MAS1: variants seen among roughly 807,000 people sequenced by gnomAD.
MAS1 encodes proto-oncogene Mas.
For synonymous variants in MAS1, 163 were observed against 164.2 expected (o/e 0.99, Z 0.05); for missense variants, 387 against 409.7 (o/e 0.94, Z 0.48).
rs528603241 is a variant in MAS1 at position 159,907,589 on chromosome 6, G to T, written c.634G>T (p.Val212Leu). Reference protein sequence around the residue: ...LMLVSSTILVVKIRKNTWASH... With the variant: ...LMLVSSTILVLKIRKNTWASH... The stretch of plus-strand genomic sequence containing the variant: ...GCTGGTGTCCAGCACCATCTTGGTC[G>T]TGAAGATCCGGAAGAACACGTGGGC... Residue 212 changes from valine to leucine, a missense_variant, in exon 3 of 3, where the codon GTG (valine) becomes TTG (leucine). Val to Leu is a conservative substitution (Grantham distance 32). Transcript: ENST00000674077. The T allele has an allele frequency of 6.2e-7, 1 of 1,613,814 alleles. No individual in the cohort carries two copies. Among genetic ancestry groups the T allele is most frequent in the African/African-American group, 1.3e-5 (1 of 74,842 alleles).
intron 1 of MAS1, among the ~76,000 whole-genome samples, chr6:159,894,418 C>CA (rs5881344): frequency 0.023 from 1,826 of 78,874 alleles, 30 homozygotes; most frequent in Non-Finnish European, 0.034. Context: ...GACCCTGTCT[C>CA]AAAAAAAAAA....
intron 1 of MAS1, among the ~76,000 whole-genome samples, chr6:159,898,603 T>TCCTCCTC (rs1467160877): frequency 1.1e-5 from 1 of 91,230 alleles, no homozygotes; most frequent in Non-Finnish European, 2.2e-5. Context: ...TCCTCCTTCC[T>TCCTCCTC]CTTCCTCCTC....
chr6:159,894,012 G>A (rs1218729622), intron 1 of MAS1, among the ~76,000 whole-genome samples: 2 of 152,184 alleles, frequency 1.3e-5, no homozygotes, highest in African/African-American at 4.8e-5. Context: ...TTGGCCCACT[G>A]AGACTGCTCT....
intron 2 of MAS1, among the ~76,000 whole-genome samples, chr6:159,905,770 G>C (rs987109557): frequency 6.6e-6 from 1 of 152,168 alleles, no homozygotes; most frequent in African/African-American, 2.4e-5. Flanking sequence ...TGGCCGGCAC[G>C]GTGGCTTACA....
rs1254097117 is a variant in MAS1 at position 159,912,559 on chromosome 6, T to G, written c.*4626T>G. On this transcript the variant is annotated 3_prime_UTR_variant, in exon 3 of 3. Transcript: ENST00000674077. ...GATTCCACAAACAAGAAGCTTCTTT[T>G]CTCTTTAACCTAACATTTGACTGTT... 6.6e-6 allele frequency: 1 copy of G among 151,880 alleles called. No individual in the cohort carries two copies. The highest frequency in any genetic ancestry group is 2.4e-5 in the African/African-American group (1 of 41,324). The allele number at this position is 151,880 out of a possible 1,614,324, so 9.4% of individuals were successfully genotyped here. A position where few individuals can be genotyped will look rare whatever the true frequency, so the allele number is the denominator to read the frequency against.
chr6:159,890,865 A>G (rs73586492), upstream of MAS1, among the ~76,000 whole-genome samples: 129 of 152,296 alleles, frequency 8.5e-4, 1 homozygote, highest in African/African-American at 2.9e-3. Context: ...CCCGCTCTGG[A>G]TTGGCGTGAA....
At position 159,891,031 on chromosome 6, in the gene MAS1, T is replaced by C. The variant is rs935583301; in HGVS notation, c.-346T>C. On this transcript the variant is annotated 5_prime_UTR_variant, in exon 1 of 3. Coordinates refer to ENST00000674077, the MANE Select transcript of MAS1 (RefSeq NM_002377.4). ...AGGCTGCAGCCATCCTTCGAGATGT[T>C]GGGACCGGAGACCCTGCAGGCTGGC... 6.6e-6 allele frequency among the ~76,000 whole-genome samples: 1 copy of C among 152,220 alleles called. No individual in the cohort carries two copies. The highest frequency in any genetic ancestry group is 1.5e-5 in the Non-Finnish European group (1 of 68,042).
intron 1 of MAS1, among the ~76,000 whole-genome samples, chr6:159,897,580 T>C (rs1200948585): frequency 2.6e-5 from 4 of 152,212 alleles, no homozygotes; most frequent in African/African-American, 4.8e-5. Context: ...AGGGCTGTTA[T>C]TGTCTTTGTT....
rs537316873 is a variant in MAS1, at chr6:159,913,659, G to A, written c.*5726G>A. 6.6e-6 allele frequency: 1 copy of A among 152,306 alleles called. No homozygotes were observed. Among genetic ancestry groups the A allele is most frequent in the East Asian group, 1.9e-4 (1 of 5,182 alleles). The allele number at this position is 152,306 out of a possible 1,614,324, so 9.4% of individuals were successfully genotyped here. A position where few individuals can be genotyped will look rare whatever the true frequency, so the allele number is the denominator to read the frequency against. The stretch of plus-strand genomic sequence containing the variant: ...TTGGGTTTCTTACAACATGGTGATT[G>A]TGTTCTGGAAGGAAGTCTCCTGAGA... On this transcript the variant is annotated 3_prime_UTR_variant, in exon 3 of 3. Coordinates refer to ENST00000674077, the MANE Select transcript of MAS1 (RefSeq NM_002377.4).
intron 1 of MAS1, among the ~76,000 whole-genome samples, chr6:159,893,103 A>G (rs1782718605): frequency 1.3e-5 from 2 of 152,242 alleles, no homozygotes; most frequent in African/African-American, 2.4e-5. Flanking sequence ...CTGCATTCAG[A>G]TGCGATACTG....
intron 1 of MAS1, among the ~76,000 whole-genome samples, chr6:159,893,506 G>A (rs372366835): frequency 5.3e-5 from 8 of 152,200 alleles, no homozygotes; most frequent in African/African-American, 1.9e-4. Context: ...TCATAGGTGG[G>A]TTGATCAAAT....
At chr6:159,903,631 G>A (rs543947627) in intron 2 of MAS1, among the ~76,000 whole-genome samples, 154 of 152,016 alleles carry the variant, frequency 1.0e-3, no homozygotes, top group South Asian at 4.2e-3. Context: ...ACAGCTTCTC[G>A]CCTTGGGCAC....
At chr6:159,893,756 CTGCCACTGA>C (rs1458392713) in intron 1 of MAS1, among the ~76,000 whole-genome samples, 1 of 152,102 alleles carries the variant, frequency 6.6e-6, no homozygotes, top group Non-Finnish European at 1.5e-5. Flanking sequence ...TTCCTTAGCC[CTGCCACTGA>C]GAGGGGCTGG....
rs917668009 is a variant in MAS1 at position 159,911,552 on chromosome 6, G to A, written c.*3619G>A. 1 of 152,074 alleles carries A rather than the reference G, an allele frequency of 6.6e-6. No individual in the cohort carries two copies. Among genetic ancestry groups the A allele is most frequent in the African/African-American group, 2.4e-5 (1 of 41,274 alleles). 9.4% of individuals were successfully genotyped at this position (152,074 alleles called of 1,614,324 possible). ...CACCGCTGGTCACCCTGTCCCCCTT[G>A]CTATGCTATTCCCTTTGCACAGACT... is the stretch of plus-strand genomic sequence containing the variant. On this transcript the variant is annotated 3_prime_UTR_variant, in exon 3 of 3. Transcript: ENST00000674077.
At chr6:159,894,387 C>G (rs1036364910) in intron 1 of MAS1, among the ~76,000 whole-genome samples, 16 of 146,362 alleles carry the variant, frequency 1.1e-4, no homozygotes, top group African/African-American at 4.1e-4. Flanking sequence ...CCACTGCACT[C>G]CAGCCTGGGC....
At chr6:159,906,515 G>A (rs1252771257) in intron 2 of MAS1, among the ~76,000 whole-genome samples, 1 of 152,190 alleles carries the variant, frequency 6.6e-6, no homozygotes, top group Non-Finnish European at 1.5e-5. Context: ...TGGTCCCTCA[G>A]GCAAATGAAT....
chr6:159,906,999 C>T lies in MAS1; in HGVS notation c.44C>T (p.Thr15Met), dbSNP rs770001067. 120 of 1,611,850 alleles carry T rather than the reference C, an allele frequency of 7.4e-5. No individual in the cohort carries two copies. The highest frequency in any genetic ancestry group is 5.2e-4 in the Admixed American group (31 of 59,976). Residue 15 changes from threonine to methionine, a missense_variant, in exon 3 of 3, where the codon ACG becomes ATG. By Grantham distance (81) the Thr-to-Met change is moderately conservative (BLOSUM62 -1). Transcript: ENST00000674077. Reference protein sequence around the residue: ...NVTSFVVEEPTNISTGRNASV... With the variant: ...NVTSFVVEEPMNISTGRNASV... Reference sequence around the variant, plus strand: ...ACATCATTTGTTGTTGAGGAACCCACGAACATCTCAACTGGCAGGAACGCC... The same window carrying T: ...ACATCATTTGTTGTTGAGGAACCCATGAACATCTCAACTGGCAGGAACGCC...
At chr6:159,898,676 C>CTCCTCCTCCCTCT (rs1782789116) in intron 1 of MAS1, among the ~76,000 whole-genome samples, 2 of 10,950 alleles carry the variant, frequency 1.8e-4, no homozygotes, top group South Asian at 2.5e-3. Flanking sequence ...CTTCCTCTTC[C>CTCCTCCTCCCTCT]TCCTCCTCCC....
chr6:159,907,052 C>T lies in MAS1; in HGVS notation c.97C>T (p.Pro33Ser). ...ASVGNAHRQI[P>S]IVHWVIMSIS... ...AGTCGGGAATGCACATCGGCAAATCCCCATCGTGCACTGGGTCATTATGAG... is the reference window on the plus strand; with the variant it reads ...AGTCGGGAATGCACATCGGCAAATCTCCATCGTGCACTGGGTCATTATGAG... Residue 33 changes from proline (P) to serine (S), a missense_variant, in exon 3 of 3, where the codon CCC (proline) becomes TCC (serine). Pro to Ser is a moderately conservative substitution (Grantham distance 74). Coordinates refer to ENST00000674077, the MANE Select transcript of MAS1 (RefSeq NM_002377.4). 1 of 1,614,010 alleles carries T rather than the reference C, an allele frequency of 6.2e-7. No individual in the cohort carries two copies. The highest frequency in any genetic ancestry group is 8.5e-7 in the Non-Finnish European group (1 of 1,179,928).
Sources: allele counts gnomAD v4.1 joint callset (sites outside exome capture counted in the v4.1 genomes callset), GRCh38; gene constraint gnomAD v4.1.1; transcripts MANE v1.5; gene names NCBI Gene and HGNC (gene_info 2026-07-23, HGNC 2026-07-21).